The following MTRF1 variants were observed in gnomAD, a reference collection of about 807,000 sequenced individuals.
MTRF1 encodes the protein peptide chain release factor 1, mitochondrial.
Under a neutral mutation model 62.9 loss-of-function variants are expected in MTRF1, and 51 were observed. The ratio of observed to expected loss-of-function variants is 0.81; its 90% confidence interval spans 0.65 to 1.02. MTRF1 has a LOEUF of 1.02. Ranked by LOEUF, MTRF1 falls within the 50% of genes least tolerant of loss-of-function variation. MTRF1 has a pLI of 0.00. For synonymous variants in MTRF1, 158 were observed against 181.9 expected (o/e 0.87, Z 1.06); for missense variants, 446 against 530.0 (o/e 0.84, Z 1.56).
rs933347366 is a variant in MTRF1 at position 41,226,933 on chromosome 13, C to T, written c.989-365G>A. ...CTGCGCTGCTCCATTCTCTGTCCAA[C>T]TCAAGAAGAACTTGCCTTTTCCCCT... On this transcript the variant is annotated intron_variant, in intron 7 of 9. Coordinates refer to ENST00000379480, the MANE Select transcript of MTRF1 (RefSeq NM_004294.4). 2.0e-5 allele frequency among the ~76,000 whole-genome samples: 3 copies of T among 152,178 alleles called. No individual in the cohort carries two copies. In the East Asian group the frequency reaches 5.8e-4, roughly 29 times the overall value.
At chr13:41,302,349 C>A in the MTRF1 span, among the ~76,000 whole-genome samples, 4 of 151,608 alleles carry the variant, frequency 2.6e-5, no homozygotes, top group Admixed American at 6.6e-5. Context: ...TCTTAGGGTG[C>A]TTCTGGAAAC....
chr13:41,244,970 GCT>G (rs2038047372), intron 5 of MTRF1, among the ~76,000 whole-genome samples: 1 of 152,160 alleles, frequency 6.6e-6, no homozygotes, highest in Non-Finnish European at 1.5e-5. Flanking sequence ...TATAGTATCT[GCT>G]CTGACTTTTA....
chr13:41,226,205 T>C (rs1424166632), intron 8 of MTRF1, among the ~76,000 whole-genome samples: 1 of 152,220 alleles, frequency 6.6e-6, no homozygotes, highest in Non-Finnish European at 1.5e-5. Flanking sequence ...AACTAGGAAA[T>C]AATTTTTAGT....
the MTRF1 span, among the ~76,000 whole-genome samples, chr13:41,293,731 G>T: frequency 6.6e-6 from 1 of 152,068 alleles, no homozygotes; most frequent in African/African-American, 2.4e-5. Context: ...TAGGTTATCT[G>T]CTAAAATAAA....
In MTRF1 at chr13:41,216,731, A is replaced by T. The variant is rs1001004564; in HGVS notation, c.*384T>A. ...AGGTTTATAAGGAAGTCTAAAATTC[A>T]TATTTTACTAAATTTTACCATATTT... On this transcript the variant is annotated 3_prime_UTR_variant, in exon 10 of 10. Coordinates refer to ENST00000379480, the MANE Select transcript of MTRF1 (RefSeq NM_004294.4). 6.5e-6 allele frequency: 1 copy of T among 153,346 alleles called. No individual in the cohort carries two copies. The highest frequency in any genetic ancestry group is 2.4e-5 in the African/African-American group (1 of 41,466). The allele number at this position is 153,346 out of a possible 1,614,324, so 9.5% of individuals were successfully genotyped here. A position where few individuals can be genotyped will look rare whatever the true frequency, so the allele number is the denominator to read the frequency against.
intron 5 of MTRF1, among the ~76,000 whole-genome samples, chr13:41,246,949 TC>T (rs1165089276): frequency 4.6e-5 from 7 of 152,352 alleles, no homozygotes; most frequent in Admixed American, 1.3e-4. Flanking sequence ...CGCTTTGGTT[TC>T]CTTATGTGTA....
intron 2 of MTRF1, among the ~76,000 whole-genome samples, chr13:41,256,805 C>A (rs2039787599): frequency 6.6e-6 from 1 of 152,150 alleles, no homozygotes; most frequent in African/African-American, 2.4e-5. Flanking sequence ...CCTGTAGAAT[C>A]CGTCTAATTC....
chr13:41,306,448 CTG>C, the MTRF1 span, among the ~76,000 whole-genome samples: 1 of 151,836 alleles, frequency 6.6e-6, no homozygotes, highest in Non-Finnish European at 1.5e-5. Flanking sequence ...ATCAGGGAGT[CTG>C]GGGTGGAACA....
the MTRF1 span, among the ~76,000 whole-genome samples, chr13:41,289,416 T>C: frequency 2.6e-5 from 4 of 152,072 alleles, no homozygotes; most frequent in Non-Finnish European, 1.5e-5. Context: ...TTTTGTATTT[T>C]TAGTAGAGAT....
chr13:41,260,823 G>C lies in MTRF1; in HGVS notation c.85C>G (p.Gln29Glu). ...LQCHIQLHSH[Q>E]FRQIHLDTRL... ...GTATCAAGATGTATCTGTCTAAATT[G>C]ATGAGAATGGAGCTGGATGTGACAC... Residue 29 changes from glutamine (Q) to glutamate (E), a missense_variant, in exon 2 of 10, where the codon CAA (glutamine) becomes GAA (glutamate). Transcript: ENST00000379480. The C allele has an allele frequency of 6.2e-7, 1 of 1,614,100 alleles. No homozygotes were observed. The highest frequency in any genetic ancestry group is 2.2e-5 in the East Asian group (1 of 44,876).
At chr13:41,239,846 G>C (rs188982749) in intron 6 of MTRF1, among the ~76,000 whole-genome samples, 5 of 152,064 alleles carry the variant, frequency 3.3e-5, no homozygotes, top group Non-Finnish European at 7.4e-5. Flanking sequence ...AGACTATAAA[G>C]TCCAATCTGT....
chr13:41,311,695 G>A, the MTRF1 span: 2 of 986,404 alleles, frequency 2.0e-6, no homozygotes, highest in Non-Finnish European at 3.0e-6. Flanking sequence ...GCTGCCCACC[G>A]CTCTTTGTTT....
At chr13:41,301,457 C>G in the MTRF1 span, among the ~76,000 whole-genome samples, 967 of 152,090 alleles carry the variant, frequency 6.4e-3, 30 homozygotes, top group Admixed American at 0.049. Flanking sequence ...TATAGAAAGG[C>G]AAAGGACAGG....
chr13:41,260,221 G>T (rs9525467), intron 2 of MTRF1, among the ~76,000 whole-genome samples: 6,920 of 151,776 alleles, frequency 0.046, 232 homozygotes, highest in Middle Eastern at 0.092. Context: ...TAATCATATC[G>T]CTTTGGAAAG....
In MTRF1 at chr13:41,229,834, C is replaced by T. The variant is rs565720388; in HGVS notation, c.989-3266G>A. 9.5e-4 allele frequency among the ~76,000 whole-genome samples: 145 copies of T among 152,286 alleles called. 1 individual carries two copies. The highest frequency in any genetic ancestry group is 3.4e-3 in the African/African-American group (143 of 41,560). The stretch of plus-strand genomic sequence containing the variant: ...TATAACCTCAGGACGGGCATGGTGG[C>T]TCATGCCTGTAATCCCAGCACTTTG... On this transcript the variant is annotated intron_variant, in intron 7 of 9. Coordinates refer to ENST00000379480, the MANE Select transcript of MTRF1 (RefSeq NM_004294.4).
chr13:41,222,848 A>C (rs1315152432), intron 9 of MTRF1, among the ~76,000 whole-genome samples: 1 of 152,342 alleles, frequency 6.6e-6, no homozygotes, highest in East Asian at 1.9e-4. Context: ...GATCCTGAGA[A>C]GATAACTAAG....
chr13:41,220,840 C>T (rs1176040433), intron 9 of MTRF1, among the ~76,000 whole-genome samples: 1 of 152,182 alleles, frequency 6.6e-6, no homozygotes, highest in African/African-American at 2.4e-5. Flanking sequence ...GAATAATCCT[C>T]TCCATCTCTG....
chr13:41,248,952 A>G (rs1207549551), intron 5 of MTRF1, among the ~76,000 whole-genome samples: 1 of 152,126 alleles, frequency 6.6e-6, no homozygotes, highest in Non-Finnish European at 1.5e-5. Context: ...AGTTTGAACT[A>G]TTTCTGAAAT....
the MTRF1 span, among the ~76,000 whole-genome samples, chr13:41,291,116 A>T: frequency 2.0e-5 from 3 of 151,836 alleles, no homozygotes; most frequent in African/African-American, 7.2e-5. Flanking sequence ...AAACAGAAAA[A>T]AGAAATTTTG....
Sources: allele counts gnomAD v4.1 joint callset (sites outside exome capture counted in the v4.1 genomes callset), GRCh38; gene constraint gnomAD v4.1.1; transcripts MANE v1.5; gene names NCBI Gene and HGNC (gene_info 2026-07-23, HGNC 2026-07-21).